The following PTPRT variants were observed in gnomAD, a reference collection of about 807,000 sequenced individuals.
PTPRT encodes receptor-type tyrosine-protein phosphatase T.
Under a neutral mutation model 176.8 loss-of-function variants are expected in PTPRT, and 56 were observed. That is an observed-to-expected ratio of 0.32 (90% CI 0.26 to 0.40). The LOEUF (loss-of-function observed/expected upper bound fraction) is 0.40. Ranked by LOEUF, PTPRT falls within the 10% of genes least tolerant of loss-of-function variation. The pLI, the probability that PTPRT is intolerant of heterozygous loss-of-function variation, is 1.00. For missense variants in PTPRT, 1,540 were observed against 1,908.2 expected (o/e 0.81, Z 3.60); for synonymous variants, 783 against 739.0 (o/e 1.06, Z -0.96).
chr20:42,321,887 C>G (rs926374990), intron 11 of PTPRT, among the ~76,000 whole-genome samples: 1 of 152,036 alleles, frequency 6.6e-6, no homozygotes, highest in African/African-American at 2.4e-5. Flanking sequence ...ATCGAGACCA[C>G]GGTGAAACCC....
chr20:42,146,834 T>C (rs770786842), intron 17 of PTPRT, among the ~76,000 whole-genome samples: 5 of 152,258 alleles, frequency 3.3e-5, no homozygotes, highest in Non-Finnish European at 7.3e-5. Flanking sequence ...GCAGCATCAC[T>C]TCTTGCTCTT....
chr20:42,413,141 C>G, intron 9 of PTPRT, among the ~76,000 whole-genome samples: 1 of 151,960 alleles, frequency 6.6e-6, no homozygotes, highest in South Asian at 2.1e-4. Context: ...TTTGCCCAAC[C>G]CTACCACCAT....
chr20:42,837,911 C>T (rs1445242631), intron 2 of PTPRT, among the ~76,000 whole-genome samples: 1 of 152,086 alleles, frequency 6.6e-6, no homozygotes, highest in Non-Finnish European at 1.5e-5. Context: ...TTGGTGTTCA[C>T]ATTTGCACCC....
At chr20:42,630,331 C>A (rs530064865) in intron 7 of PTPRT, among the ~76,000 whole-genome samples, 2 of 152,246 alleles carry the variant, frequency 1.3e-5, no homozygotes, top group South Asian at 4.1e-4. Context: ...ACATCTGACT[C>A]CCAGAAGGCC....
chr20:42,340,669 T>C (rs2058098553), intron 11 of PTPRT, among the ~76,000 whole-genome samples: 1 of 152,146 alleles, frequency 6.6e-6, no homozygotes, highest in Admixed American at 6.5e-5. Context: ...AGAACATCAA[T>C]AGATCAGGCT....
chr20:42,874,034 G>A (rs961399467), intron 2 of PTPRT, among the ~76,000 whole-genome samples: 12 of 152,140 alleles, frequency 7.9e-5, no homozygotes, highest in African/African-American at 2.9e-4. Context: ...AAAAATGAAA[G>A]GTTCACTTGC....
rs1982692502 is a variant in PTPRT, at chr20:42,075,594, C to T, written c.*5285G>A. On this transcript the variant is annotated 3_prime_UTR_variant, in exon 31 of 31. Transcript: ENST00000373187. ...TGAGGTACCAAGGAATTATCATTTC[C>T]TTCAATGTCTCTGGATCTGGGTTGG... 2 of 208,816 alleles carry T rather than the reference C, an allele frequency of 9.6e-6. No homozygotes were observed. Among genetic ancestry groups the T allele is most frequent in the East Asian group, 1.4e-4 (2 of 13,888 alleles). 12.9% of individuals were successfully genotyped at this position (208,816 alleles called of 1,614,324 possible).
At chr20:43,062,503 A>G (rs1987509215) in intron 1 of PTPRT, among the ~76,000 whole-genome samples, 1 of 152,210 alleles carries the variant, frequency 6.6e-6, no homozygotes, top group Non-Finnish European at 1.5e-5. Flanking sequence ...AACAGCTTCA[A>G]TTCTCTACTT....
At chr20:42,433,708 G>A (rs2059236388) in intron 9 of PTPRT, among the ~76,000 whole-genome samples, 1 of 152,322 alleles carries the variant, frequency 6.6e-6, no homozygotes, top group African/African-American at 2.4e-5. Context: ...CCATCCAAAT[G>A]TGTATGTATT....
Position 42,548,143 on chromosome 20 carries a change from T to G in PTPRT, c.1154-75581A>C, listed in dbSNP as rs1336331591. Among the ~76,000 whole-genome samples, 5 of 152,064 alleles carry G rather than the reference T, an allele frequency of 3.3e-5. No individual in the cohort carries two copies. In the East Asian group the frequency reaches 7.7e-4, roughly 23 times the overall value. Reference sequence around the variant, plus strand: ...ACAATGATATAACAAATGTGCTATATTATTATTAAATTAATTTACAAACTC... The same window carrying G: ...ACAATGATATAACAAATGTGCTATAGTATTATTAAATTAATTTACAAACTC... On this transcript the variant is annotated intron_variant, in intron 7 of 30. Transcript: ENST00000373187.
chr20:43,108,535 T>C (rs139986567), intron 1 of PTPRT, among the ~76,000 whole-genome samples: 74 of 152,096 alleles, frequency 4.9e-4, no homozygotes, highest in Admixed American at 1.3e-3. Flanking sequence ...TATGCAGCAA[T>C]AGAGAACTGA....
chr20:42,570,595 G>A (rs2073136842), intron 7 of PTPRT, among the ~76,000 whole-genome samples: 1 of 152,068 alleles, frequency 6.6e-6, no homozygotes, highest in African/African-American at 2.4e-5. Context: ...ATTTTCCAAG[G>A]AAATTCACAT....
In PTPRT at chr20:43,189,589, C is replaced by A; in HGVS notation, c.88+57G>T. The A allele has an allele frequency of 8.8e-7, 1 of 1,135,600 alleles. No individual in the cohort carries two copies. The highest frequency in any genetic ancestry group is 1.1e-6 in the Non-Finnish European group (1 of 906,506). The allele number at this position is 1,135,600 out of a possible 1,614,324, so 70.3% of individuals were successfully genotyped here. A position where few individuals can be genotyped will look rare whatever the true frequency, so the allele number is the denominator to read the frequency against. On this transcript the variant is annotated intron_variant, in intron 1 of 30. Coordinates refer to ENST00000373187, the MANE Select transcript of PTPRT (RefSeq NM_007050.6). The surrounding 1 kb of genome is among the most constrained non-coding windows in gnomAD (Gnocchi z 5.0). ...CCTCCGAGGGCCCCGCGGCTGGGGGCCCGCGCGCATCCAGGAGGGAGCGGG... is the reference window on the plus strand; with the variant it reads ...CCTCCGAGGGCCCCGCGGCTGGGGGACCGCGCGCATCCAGGAGGGAGCGGG...
chr20:42,853,298 T>A (rs1164824777), intron 2 of PTPRT, among the ~76,000 whole-genome samples: 4 of 152,298 alleles, frequency 2.6e-5, no homozygotes, highest in Middle Eastern at 3.4e-3. Context: ...AAGAGGAGAC[T>A]TATGGAAATT....
intron 13 of PTPRT, among the ~76,000 whole-genome samples, chr20:42,250,416 G>C (rs908003590): frequency 3.9e-5 from 6 of 152,174 alleles, no homozygotes; most frequent in Non-Finnish European, 8.8e-5. Context: ...TGAGTTGAAG[G>C]AATGCTACTA....
At chr20:42,657,215 T>C (rs2075140884) in intron 7 of PTPRT, among the ~76,000 whole-genome samples, 1 of 152,212 alleles carries the variant, frequency 6.6e-6, no homozygotes, top group Admixed American at 6.5e-5. Flanking sequence ...TGAGGCCTCC[T>C]AAGCCCTGTG....
chr20:42,041,270 C>T, the PTPRT span, among the ~76,000 whole-genome samples: 1 of 152,126 alleles, frequency 6.6e-6, no homozygotes, highest in African/African-American at 2.4e-5. Flanking sequence ...TGGTCTTGTT[C>T]ATAACAATCT....
chr20:42,828,180 G>T lies in PTPRT; in HGVS notation c.215-36714C>A, dbSNP rs901732546. ...ATGTGAACAATGAAGTCCAGGTTGAGATGGTCTCAGATGGAGATGAGGAAC... is the reference window on the plus strand; with the variant it reads ...ATGTGAACAATGAAGTCCAGGTTGATATGGTCTCAGATGGAGATGAGGAAC... On this transcript the variant is annotated intron_variant, in intron 2 of 30. Coordinates refer to ENST00000373187, the MANE Select transcript of PTPRT (RefSeq NM_007050.6). Among the ~76,000 whole-genome samples the T allele has an allele frequency of 2.0e-5, 3 of 152,330 alleles. No homozygotes were observed. In the East Asian group the frequency reaches 5.8e-4, roughly 29 times the overall value.
intron 1 of PTPRT, among the ~76,000 whole-genome samples, chr20:43,074,068 A>G (rs892302175): frequency 1.3e-5 from 2 of 152,168 alleles, no homozygotes; most frequent in Admixed American, 6.5e-5. Context: ...TGTGCTTTAT[A>G]TACAAACATA....
Sources: allele counts gnomAD v4.1 joint callset (sites outside exome capture counted in the v4.1 genomes callset), GRCh38; gene constraint gnomAD v4.1.1; non-coding constraint Gnocchi (gnomAD v3.1); transcripts MANE v1.5; gene names NCBI Gene and HGNC (gene_info 2026-07-23, HGNC 2026-07-21).